MTUS2: variants seen among roughly 807,000 people sequenced by gnomAD.
The protein encoded by MTUS2 is microtubule associated scaffold protein 2, also known as microtubule-associated tumor suppressor candidate 2.
A neutral mutation model predicts 114.1 loss-of-function variants in MTUS2; 40 were observed. That is an observed-to-expected ratio of 0.35 (90% CI 0.27 to 0.46). The LOEUF (loss-of-function observed/expected upper bound fraction) is 0.46, where lower values mean the gene tolerates loss of function less well. Among genes scored for constraint, MTUS2 ranks in the 20% least tolerant of loss-of-function variants. The probability of loss-of-function intolerance (pLI) is 1.00; values close to 1 mark genes in which losing one functional copy is unlikely to be tolerated. For missense variants in MTUS2, 1,679 were observed against 1,705.4 expected, an observed-to-expected ratio of 0.98 and a Z score of 0.27; for synonymous variants, 688 against 672.0, an observed-to-expected ratio of 1.02 and a Z score of -0.37.
intron 2 of MTUS2, among the ~76,000 whole-genome samples, chr13:28,907,735 G>A (rs1172382627): frequency 6.6e-6 from 1 of 151,772 alleles, no homozygotes; most frequent in South Asian, 2.1e-4. Context: ...CAATACAGGA[G>A]CACCCAAATT....
At chr13:28,914,873 T>C (rs903659046) in intron 2 of MTUS2, among the ~76,000 whole-genome samples, 1 of 151,844 alleles carries the variant, frequency 6.6e-6, no homozygotes, top group Non-Finnish European at 1.5e-5. Context: ...ATTTTTTTAA[T>C]CTTTGCTTAA....
chr13:29,090,670 G>A (rs1246913886), intron 4 of MTUS2, among the ~76,000 whole-genome samples: 1 of 152,272 alleles, frequency 6.6e-6, no homozygotes, highest in Non-Finnish European at 1.5e-5. Context: ...GGCAGGGACT[G>A]CAGGAGAGGC....
intron 6 of MTUS2, among the ~76,000 whole-genome samples, chr13:29,323,869 A>G (rs1198314865): frequency 6.6e-6 from 1 of 152,182 alleles, no homozygotes; most frequent in Non-Finnish European, 1.5e-5. Flanking sequence ...GCTGAAGCCA[A>G]GGCAGGTTTG....
chr13:29,494,748 A>G (rs539768574), intron 12 of MTUS2, among the ~76,000 whole-genome samples: 7 of 152,232 alleles, frequency 4.6e-5, no homozygotes, highest in African/African-American at 1.7e-4. Flanking sequence ...TAAAAATAAA[A>G]TGGAAGTAGG....
chr13:29,086,944 A>T (rs1020908637), intron 4 of MTUS2, among the ~76,000 whole-genome samples: 4 of 152,116 alleles, frequency 2.6e-5, no homozygotes, highest in African/African-American at 4.8e-5. Flanking sequence ...GGTTTTATAT[A>T]TTAATTTTGT....
chr13:29,341,191 G>T (rs1009129757), intron 7 of MTUS2, among the ~76,000 whole-genome samples: 1 of 152,136 alleles, frequency 6.6e-6, no homozygotes, highest in Admixed American at 6.5e-5. Flanking sequence ...GGATTAAATG[G>T]TAGTTCTGTT....
At chr13:29,281,088 G>A (rs1303287304) in intron 5 of MTUS2, among the ~76,000 whole-genome samples, 2 of 152,166 alleles carry the variant, frequency 1.3e-5, no homozygotes, top group African/African-American at 2.4e-5. Flanking sequence ...GGTCCTCACA[G>A]TTTGGTGAGG....
intron 5 of MTUS2, among the ~76,000 whole-genome samples, chr13:29,173,588 C>T (rs116993236): frequency 0.015 from 2,208 of 152,138 alleles, 33 homozygotes; most frequent in Non-Finnish European, 0.019. Flanking sequence ...CTGTGTTAAA[C>T]ATCTTTCATT....
At chr13:29,070,432 A>C (rs1352654127) in intron 4 of MTUS2, among the ~76,000 whole-genome samples, 2 of 152,190 alleles carry the variant, frequency 1.3e-5, no homozygotes, top group African/African-American at 4.8e-5. Flanking sequence ...TTCTAGGTTG[A>C]AAAGAGTTTT....
intron 4 of MTUS2, among the ~76,000 whole-genome samples, chr13:29,060,472 C>T (rs1416283321): frequency 6.6e-6 from 1 of 150,962 alleles, no homozygotes; most frequent in East Asian, 2.0e-4. Context: ...TGGTACCCAG[C>T]TTCACCCCTC....
chr13:28,906,741 G>A (rs1480664156), intron 2 of MTUS2, among the ~76,000 whole-genome samples: 1 of 151,466 alleles, frequency 6.6e-6, no homozygotes, highest in Non-Finnish European at 1.5e-5. Flanking sequence ...GTTGATTTGG[G>A]GTGGAGAGTT....
At chr13:29,216,185 A>C (rs957310672) in intron 5 of MTUS2, among the ~76,000 whole-genome samples, 4 of 152,198 alleles carry the variant, frequency 2.6e-5, no homozygotes, top group Admixed American at 6.5e-5. Context: ...CTGTGAGGGG[A>C]AACTGCCTAC....
In MTUS2 at chr13:29,440,047, T is replaced by A; in HGVS notation, c.3182T>A (p.Val1061Asp). 6.3e-7 allele frequency: 1 copy of A among 1,581,452 alleles called. No individual in the cohort carries two copies. The highest frequency in any genetic ancestry group is 8.6e-7 in the Non-Finnish European group (1 of 1,161,666). Reference protein sequence around the residue: ...SIELANIRDEVAFHTAKCEKL... With the variant: ...SIELANIRDEDAFHTAKCEKL... ...GAACTTGCAAACATCAGGGATGAAG[T>A]TGGTAAGTAGGGCATTGACAATGAG... Residue 1061 changes from valine to aspartate, a missense_variant and splice_region_variant, in exon 9 of 16, where the codon GTT becomes GAT. This residue lies in a region of MTUS2 where 822 missense variants were observed against 899.7 expected (regional missense o/e 0.91). Coordinates refer to ENST00000612955, the MANE Select transcript of MTUS2 (RefSeq NM_001033602.4).
chr13:28,947,667 A>C (rs1027776888), intron 2 of MTUS2, among the ~76,000 whole-genome samples: 7 of 152,180 alleles, frequency 4.6e-5, no homozygotes, highest in Non-Finnish European at 8.8e-5. Context: ...AAAGAATCTA[A>C]CTGTAGCACT....
At chr13:29,005,845 G>T (rs1281990491) in intron 2 of MTUS2, among the ~76,000 whole-genome samples, 1 of 152,196 alleles carries the variant, frequency 6.6e-6, no homozygotes, top group African/African-American at 2.4e-5. Flanking sequence ...CACAGAATCT[G>T]CTCTCTAGGA....
At chr13:29,112,848 C>T (rs1890934697) in intron 5 of MTUS2, among the ~76,000 whole-genome samples, 1 of 152,130 alleles carries the variant, frequency 6.6e-6, no homozygotes, top group Non-Finnish European at 1.5e-5. Flanking sequence ...CAGGTCGCCT[C>T]ATTTGTCCCA....
chr13:28,844,515 C>T (rs956464387), intron 2 of MTUS2, among the ~76,000 whole-genome samples: 37 of 151,274 alleles, frequency 2.4e-4, no homozygotes, highest in Admixed American at 2.1e-3. Flanking sequence ...CAGAAGTACT[C>T]GTCCACCCCA....
At position 28,873,671 on chromosome 13, in the gene MTUS2, G is replaced by T. The variant is rs376170979; in HGVS notation, c.-243+33821G>T. On this transcript the variant is annotated intron_variant, in intron 2 of 15. Coordinates refer to ENST00000612955, the MANE Select transcript of MTUS2 (RefSeq NM_001033602.4). ...TAAAATCACACATATTGCCAGCTAT[G>T]CAGAATTTCTTGAATTTTGGTGACA... 2.0e-5 allele frequency among the ~76,000 whole-genome samples: 3 copies of T among 152,252 alleles called. 1 individual carries two copies. Among genetic ancestry groups the T allele is most frequent in the African/African-American group, 7.2e-5 (3 of 41,556 alleles).
rs570290730 is a variant in MTUS2, at chr13:29,021,371, CAAAGAT to C, written c.-242-3080_-242-3075del. ...CCAGTGAGTACCAGTTGTTTACTGA[CAAAGAT>C]AAAGAACATTTATGATGTAGTTCCT... On this transcript the variant is annotated intron_variant, in intron 2 of 15. Transcript: ENST00000612955. 3.1e-3 allele frequency among the ~76,000 whole-genome samples: 472 copies of C among 152,282 alleles called. 2 individuals are homozygous for C. Among genetic ancestry groups the C allele is most frequent in the African/African-American group, 0.01 (434 of 41,564 alleles).
Sources: gnomAD v4.1 joint callset for allele counts (sites outside exome capture counted in the v4.1 genomes callset) on GRCh38, gnomAD v4.1.1 for gene constraint, gnomAD v4.1.1 regional missense constraint, MANE v1.5 for transcripts, NCBI Gene and HGNC (gene_info 2026-07-23, HGNC 2026-07-21) for gene names.